The following NFIB variants were observed in gnomAD, a reference collection of about 807,000 sequenced individuals.
NFIB encodes nuclear factor I B.
In NFIB, 11 loss-of-function variants were observed where a neutral mutation model predicts 61.5. The ratio of observed to expected loss-of-function variants is 0.18; its 90% CI spans 0.11 to 0.30. The LOEUF (loss-of-function observed/expected upper bound fraction) is 0.30, where lower values mean the gene tolerates loss of function less well. Among genes scored for constraint, NFIB ranks in the 10% least tolerant of loss-of-function variants. The pLI is 1.00. For missense variants in NFIB, 471 were observed against 608.9 expected (o/e 0.77, Z 2.38); for synonymous variants, 260 against 216.5 (o/e 1.20, Z -1.76).
intron 8 of NFIB, among the ~76,000 whole-genome samples, chr9:14,118,498 T>G (rs10738353): frequency 6.6e-6 from 1 of 152,016 alleles, no homozygotes; most frequent in South Asian, 2.1e-4. Flanking sequence ...AATTCCCAAG[T>G]CAATGCAGAC....
At chr9:14,409,838 A>C in the NFIB span, among the ~76,000 whole-genome samples, 1 of 152,224 alleles carries the variant, frequency 6.6e-6, no homozygotes, top group Non-Finnish European at 1.5e-5. Flanking sequence ...AGGTATTATA[A>C]ACAATTAAAA....
At chr9:14,315,902 G>T (rs951674046), upstream of NFIB, among the ~76,000 whole-genome samples, 1 of 151,268 alleles carries the variant, frequency 6.6e-6, no homozygotes, top group Admixed American at 6.6e-5. Context: ...GGGCTACCGG[G>T]TCCTCGCGGG....
the NFIB span, among the ~76,000 whole-genome samples, chr9:14,459,053 T>A: frequency 2.0e-5 from 3 of 152,022 alleles, no homozygotes; most frequent in African/African-American, 2.4e-5. Flanking sequence ...GAGCCCGCAT[T>A]GCCAAGTCAA....
At chr9:14,201,935 A>G (rs1435003422) in intron 2 of NFIB, among the ~76,000 whole-genome samples, 2 of 152,166 alleles carry the variant, frequency 1.3e-5, no homozygotes, top group Non-Finnish European at 2.9e-5. Context: ...ACAGTGGTCC[A>G]TGTATCATCC....
At chr9:14,182,513 G>T (rs1467216287) in intron 2 of NFIB, among the ~76,000 whole-genome samples, 2 of 152,070 alleles carry the variant, frequency 1.3e-5, no homozygotes, top group Non-Finnish European at 2.9e-5. Flanking sequence ...AAGTAACCAG[G>T]GAGTCGTGGT....
intron 2 of NFIB, among the ~76,000 whole-genome samples, chr9:14,203,571 G>C (rs978185956): frequency 6.6e-6 from 1 of 151,470 alleles, no homozygotes; most frequent in Non-Finnish European, 1.5e-5. Context: ...TGGCAGCCAG[G>C]AGCTCTCCGC....
At chr9:14,348,113 G>C (rs1303689209) in intron 1 of NFIB, among the ~76,000 whole-genome samples, 1 of 152,246 alleles carries the variant, frequency 6.6e-6, no homozygotes, top group African/African-American at 2.4e-5. Context: ...CCCTGGGAAG[G>C]AAATGTGGTG....
intron 3 of NFIB, among the ~76,000 whole-genome samples, chr9:14,174,250 G>A (rs975985785): frequency 1.3e-5 from 2 of 152,044 alleles, no homozygotes; most frequent in Admixed American, 6.5e-5. Flanking sequence ...TTTTACCTAC[G>A]ATGTCAGGTC....
At chr9:14,154,944 C>G (rs899909523) in intron 4 of NFIB, among the ~76,000 whole-genome samples, 2 of 152,106 alleles carry the variant, frequency 1.3e-5, no homozygotes, top group Non-Finnish European at 2.9e-5. Flanking sequence ...TATTCATGAC[C>G]TCTAAATATG....
chr9:14,128,516 G>A (rs2039990326), intron 6 of NFIB, among the ~76,000 whole-genome samples: 1 of 151,948 alleles, frequency 6.6e-6, no homozygotes, highest in African/African-American at 2.4e-5. Context: ...TGGCCAACAT[G>A]GTGAAACCCC....
chr9:14,462,140 C>A, the NFIB span, among the ~76,000 whole-genome samples: 47 of 152,240 alleles, frequency 3.1e-4, no homozygotes, highest in African/African-American at 1.1e-3. Flanking sequence ...AAATTATTTG[C>A]AAGTTAAATT....
chr9:14,268,512 G>C (rs753153554), intron 2 of NFIB, among the ~76,000 whole-genome samples: 1 of 152,096 alleles, frequency 6.6e-6, no homozygotes, highest in Non-Finnish European at 1.5e-5. Flanking sequence ...TTCTTGTGCT[G>C]TTTCCTGCCT....
chr9:14,393,113 T>G (rs2061644003), intron 1 of NFIB, among the ~76,000 whole-genome samples: 1 of 152,152 alleles, frequency 6.6e-6, no homozygotes, highest in Non-Finnish European at 1.5e-5. Context: ...GCCTCTGGAT[T>G]ATTAAACTCT....
chr9:14,176,554 C>CA (rs1026921583), intron 3 of NFIB, among the ~76,000 whole-genome samples: 25 of 152,028 alleles, frequency 1.6e-4, no homozygotes, highest in African/African-American at 5.1e-4. Flanking sequence ...TAACAAATGA[C>CA]AAAAAATTAC....
chr9:14,291,550 CAT>C (rs566543513), intron 2 of NFIB, among the ~76,000 whole-genome samples: 67 of 152,136 alleles, frequency 4.4e-4, no homozygotes, highest in Non-Finnish European at 7.6e-4. Context: ...TTGTAAATTT[CAT>C]ATGTTTTATT....
chr9:14,449,248 A>T, the NFIB span, among the ~76,000 whole-genome samples: 1 of 152,204 alleles, frequency 6.6e-6, no homozygotes, highest in Non-Finnish European at 1.5e-5. Flanking sequence ...AATTCCCCCA[A>T]CATTTTATTT....
At chr9:14,456,085 T>A in the NFIB span, among the ~76,000 whole-genome samples, 1 of 152,172 alleles carries the variant, frequency 6.6e-6, no homozygotes, top group Non-Finnish European at 1.5e-5. Flanking sequence ...ATCAAAGCAT[T>A]GAATGTACTA....
At chr9:14,106,505 G>C (rs963543347) in intron 10 of NFIB, among the ~76,000 whole-genome samples, 6 of 152,070 alleles carry the variant, frequency 3.9e-5, no homozygotes, top group Admixed American at 1.3e-4. Flanking sequence ...TATGTTCTTA[G>C]GGTGGAGTTC....
chr9:14,438,107 G>T, the NFIB span, among the ~76,000 whole-genome samples: 1 of 151,144 alleles, frequency 6.6e-6, no homozygotes, highest in Non-Finnish European at 1.5e-5. Flanking sequence ...GGTAGATGAG[G>T]GGGGACTGAG....
Sources: allele counts gnomAD v4.1 joint callset (sites outside exome capture counted in the v4.1 genomes callset), GRCh38; gene constraint gnomAD v4.1.1; transcripts MANE v1.5; gene names NCBI Gene and HGNC (gene_info 2026-07-23, HGNC 2026-07-21).